Variants in OTOG observed in about 807,000 individuals in gnomAD.
OTOG encodes the protein otogelin.
In OTOG, 296 loss-of-function variants were observed where a neutral mutation model predicts 313.8. That is an observed-to-expected ratio of 0.94 (90% CI 0.86 to 1.04). The LOEUF is 1.04. OTOG is among the 50% of genes least tolerant of loss of function. The pLI, the probability that OTOG is intolerant of heterozygous loss-of-function variation, is 0.00. For synonymous variants in OTOG, 1,533 were observed against 1,554.9 expected (o/e 0.99, Z 0.33); for missense variants, 3,948 against 3,840.1 (o/e 1.03, Z -0.74).
chr11:17,643,840 TC>T (rs1848021729), intron 54 of OTOG, among the ~76,000 whole-genome samples: 2 of 152,162 alleles, frequency 1.3e-5, no homozygotes, highest in South Asian at 4.2e-4. Context: ...GCCCAGATGC[TC>T]CCACATAAAT....
chr11:17,629,346 G>T (rs1854060616), intron 40 of OTOG, 30 bp downstream of exon 40: 9 of 1,531,460 alleles, frequency 5.9e-6, no homozygotes, highest in Non-Finnish European at 7.9e-6. Flanking sequence ...GCGGGGAGGG[G>T]ATGCTTCCCA....
At position 17,643,516 on chromosome 11, in the gene OTOG, C is replaced by A; in HGVS notation, c.8461+10C>A. On this transcript the variant is annotated intron_variant, in intron 54 of 55. Coordinates refer to ENST00000399397, the MANE Select transcript of OTOG (RefSeq NM_001292063.2). Reference sequence around the variant, plus strand: ...GGATGCTGCAGGACCTGTGAGTGAGCATGGTGGGGGCCCAGGGGTGGGGGG... The same window carrying A: ...GGATGCTGCAGGACCTGTGAGTGAGAATGGTGGGGGCCCAGGGGTGGGGGG... 1.4e-6 allele frequency: 2 copies of A among 1,412,566 alleles called. No individual in the cohort carries two copies. The highest frequency in any genetic ancestry group is 1.6e-5 in the South Asian group (1 of 63,382). The allele number at this position is 1,412,566 out of a possible 1,614,324, so 87.5% of individuals were successfully genotyped here. A position where few individuals can be genotyped will look rare whatever the true frequency, so the allele number is the denominator to read the frequency against.
Position 17,605,899 on chromosome 11 carries a change from T to G in OTOG, c.3920T>G (p.Phe1307Cys). The G allele has an allele frequency of 6.5e-7, 1 of 1,550,048 alleles. No individual in the cohort carries two copies. Among genetic ancestry groups the G allele is most frequent in the Non-Finnish European group, 8.7e-7 (1 of 1,146,618 alleles). The change falls in exon 33 of 56, where the codon TTC becomes TGC. Residue 1307 changes from phenylalanine to cysteine, a missense_variant. Physicochemically the swap from Phe to Cys is radical, Grantham distance 205 (BLOSUM62 -2). Transcript: ENST00000399397. Reference protein sequence around the residue: ...VSLEAADRPNFFLHVTANGSL... With the variant: ...VSLEAADRPNCFLHVTANGSL... ...CTGGAGGCAGCAGACAGACCCAACT[T>G]CTTCCTTCACGTCACAGCCAACGGG...
At chr11:17,579,051 G>A (rs754957089) in intron 23 of OTOG, among the ~76,000 whole-genome samples, 4 of 152,208 alleles carry the variant, frequency 2.6e-5, no homozygotes, top group African/African-American at 4.8e-5. Context: ...TGAGAGCTGC[G>A]TGAGTCAGGC....
At position 17,559,114 on chromosome 11, in the gene OTOG, A is replaced by C. The variant is rs888568695; in HGVS notation, c.1166A>C (p.Gln389Pro). ...GCGGAGTATGCCCGGGCGTGTGCCC[A>C]GGCAGGGCGGCCCTTGCAAGGCTGG... is the stretch of plus-strand genomic sequence containing the variant. ...ALAEYARACAQAGRPLQGWRT... is the reference protein window; with the variant it reads ...ALAEYARACAPAGRPLQGWRT... The change falls in exon 11 of 56, where the codon CAG (glutamine) becomes CCG (proline). Residue 389 changes from glutamine to proline, a missense_variant. By Grantham distance (76) the Gln-to-Pro change is moderately conservative. Transcript: ENST00000399397. 6.5e-7 allele frequency: 1 copy of C among 1,544,146 alleles called. No homozygotes were observed. The highest frequency in any genetic ancestry group is 8.7e-7 in the Non-Finnish European group (1 of 1,146,942).
At chr11:17,552,182 C>CT in intron 4 of OTOG, 107 bp downstream of exon 4, 1 of 1,098,870 alleles carries the variant, frequency 9.1e-7, no homozygotes, top group Non-Finnish European at 1.3e-6. Flanking sequence ...TCCATGACCC[C>CT]TTTTTCCTGC....
At chr11:17,585,342 G>A (rs759876879) in intron 23 of OTOG, among the ~76,000 whole-genome samples, 1 of 152,160 alleles carries the variant, frequency 6.6e-6, no homozygotes, top group Non-Finnish European at 1.5e-5. Context: ...AGTAGAGTCT[G>A]TAGCAATATC....
chr11:17,602,137 A>G, intron 31 of OTOG, 73 bp from the exon 32 acceptor site: 1 of 1,499,592 alleles, frequency 6.7e-7, no homozygotes, highest in South Asian at 1.3e-5. Flanking sequence ...ACTGCTGCCA[A>G]GGGGTGGGGC....
rs1033574682 is a variant in OTOG, at chr11:17,591,584, T to C, written c.3002T>C (p.Val1001Ala). Residue 1001 changes from valine (V) to alanine (A), a missense_variant, in exon 25 of 56, where the codon GTC (valine) becomes GCC (alanine). Coordinates refer to ENST00000399397, the MANE Select transcript of OTOG (RefSeq NM_001292063.2). ...DFVGACKVHL[V>A]KSTSDVSFSV... Reference sequence around the variant, plus strand: ...GTGGGGGCATGCAAAGTGCACCTGGTCAAGGTGAGTTCCCGGATGTTTCTG... The same window carrying C: ...GTGGGGGCATGCAAAGTGCACCTGGCCAAGGTGAGTTCCCGGATGTTTCTG... The C allele has an allele frequency of 4.5e-6, 7 of 1,550,468 alleles. No homozygotes were observed. The Admixed American group carries it at 1.2e-4, about 26-fold the overall frequency.
In OTOG at chr11:17,640,971, G is replaced by C; in HGVS notation, c.8070G>C (p.Val2690=). The C allele has an allele frequency of 6.5e-7, 1 of 1,548,530 alleles. No individual in the cohort carries two copies. The highest frequency in any genetic ancestry group is 1.2e-5 in the South Asian group (1 of 84,066). Residue 2690 remains valine (V), a synonymous_variant, in exon 51 of 56, where the codon GTG becomes GTC. Coordinates refer to ENST00000399397, the MANE Select transcript of OTOG (RefSeq NM_001292063.2). ...ELGVMQPGQT[V]VELSADGVCH... ...GTGTGATGCAGCCCGGCCAGACAGTGGTGGAGCTCTCAGCAGATGGCGTGT... is the reference window on the plus strand; with the variant it reads ...GTGTGATGCAGCCCGGCCAGACAGTCGTGGAGCTCTCAGCAGATGGCGTGT...
intron 4 of OTOG, among the ~76,000 whole-genome samples, chr11:17,552,587 C>CCACCTGTCCTGTGTCCCT (rs1851965492): frequency 6.6e-6 from 1 of 150,842 alleles, no homozygotes; most frequent in African/African-American, 2.5e-5. Flanking sequence ...CCTGTGTCTC[C>CCACCTGTCCTGTGTCCCT]CACCTGTCCT....
Position 17,596,170 on chromosome 11 carries a change from C to G in OTOG, c.3525+16C>G, listed in dbSNP as rs1853099819. On this transcript the variant is annotated intron_variant, in intron 29 of 55. Transcript: ENST00000399397. ...CCACCCTGTGGTGAGTGTACCCCAGCCTCGGCTCCTCCCGAGTGCCCCCTC... is the reference window on the plus strand; with the variant it reads ...CCACCCTGTGGTGAGTGTACCCCAGGCTCGGCTCCTCCCGAGTGCCCCCTC... 1.3e-6 allele frequency: 2 copies of G among 1,521,786 alleles called. No individual in the cohort carries two copies. Among genetic ancestry groups the G allele is most frequent in the Admixed American group, 2.0e-5 (1 of 50,952 alleles). 94.3% of individuals were successfully genotyped at this position (1,521,786 alleles called of 1,614,324 possible).
In OTOG at chr11:17,643,574, G is replaced by T; in HGVS notation, c.8461+68G>T. ...GGGGGCACAGGGTGTCATGTCAGGG[G>T]ACAGAGGACCAGGTTCCTGGCCTGG... On this transcript the variant is annotated intron_variant, in intron 54 of 55. Transcript: ENST00000399397. The T allele has an allele frequency of 1.7e-6, 2 of 1,200,546 alleles. 1 individual carries two copies. The highest frequency in any genetic ancestry group is 4.2e-5 in the South Asian group (2 of 47,136). 74.4% of individuals were successfully genotyped at this position (1,200,546 alleles called of 1,614,324 possible).
chr11:17,551,413 C>G (rs1851929575), intron 3 of OTOG, among the ~76,000 whole-genome samples: 1 of 152,154 alleles, frequency 6.6e-6, no homozygotes, highest in Admixed American at 6.5e-5. Flanking sequence ...CTTGGCCTGT[C>G]TCCTCCTTAG....
At chr11:17,559,929 G>GAA (rs377230375) in intron 12 of OTOG, among the ~76,000 whole-genome samples, 6 of 146,488 alleles carry the variant, frequency 4.1e-5, no homozygotes, top group African/African-American at 1.6e-4. Flanking sequence ...AGGAAGGGAG[G>GAA]GAAGGAAGGA....
chr11:17,645,096 C>G (rs1328466759), intron 54 of OTOG, among the ~76,000 whole-genome samples: 1 of 152,210 alleles, frequency 6.6e-6, no homozygotes, highest in East Asian at 1.9e-4. Context: ...AACAAAGCAT[C>G]CCATTAGAAT....
In OTOG at chr11:17,639,475, C is replaced by G; in HGVS notation, c.7935+12C>G. On this transcript the variant is annotated intron_variant, in intron 49 of 55. Coordinates refer to ENST00000399397, the MANE Select transcript of OTOG (RefSeq NM_001292063.2). ...CCCGGTGCCATCTGGTATGGAGACG[C>G]TCCTCCCCCAACACTCCCTGGTCTG... 6.4e-7 allele frequency: 1 copy of G among 1,550,494 alleles called. No individual in the cohort carries two copies. Among genetic ancestry groups the G allele is most frequent in the Non-Finnish European group, 8.7e-7 (1 of 1,146,822 alleles).
intron 29 of OTOG, 127 bp downstream of exon 29, chr11:17,596,281 C>T (rs1253420355): frequency 1.4e-6 from 1 of 710,540 alleles, no homozygotes; most frequent in Non-Finnish European, 2.4e-6. Flanking sequence ...CTGCCTCTGC[C>T]ATTCCCCTGC....
chr11:17,571,284 T>C (rs1852398778), intron 17 of OTOG, among the ~76,000 whole-genome samples: 1 of 152,256 alleles, frequency 6.6e-6, no homozygotes, highest in East Asian at 1.9e-4. Flanking sequence ...GTAAGCTGTT[T>C]GCCACTTTCC....
Sources: allele counts gnomAD v4.1 joint callset (sites outside exome capture counted in the v4.1 genomes callset), GRCh38; gene constraint gnomAD v4.1.1; transcripts MANE v1.5; gene names NCBI Gene and HGNC (gene_info 2026-07-23, HGNC 2026-07-21).